NECTIN1: variants seen among roughly 807,000 people sequenced by gnomAD.
NECTIN1 encodes nectin cell adhesion molecule 1, also known as nectin-1.
A neutral mutation model predicts 48.0 loss-of-function variants in NECTIN1; 23 were observed. That is an observed-to-expected ratio of 0.48 (90% CI 0.34 to 0.68). NECTIN1 has a LOEUF of 0.68. Ranked by LOEUF, NECTIN1 falls within the 30% of genes least tolerant of loss-of-function variation. The pLI, the probability that NECTIN1 is intolerant of heterozygous loss-of-function variation, is 0.01. For missense variants in NECTIN1, 591 were observed against 709.9 expected (o/e 0.83, Z 1.90); for synonymous variants, 270 against 288.9 (o/e 0.93, Z 0.66).
chr11:119,674,791 GGAGAT>G, intron 5 of NECTIN1: 3 of 1,415,926 alleles, frequency 2.1e-6, no homozygotes, highest in African/African-American at 1.4e-5. Context: ...AGAGCTTGGA[GGAGAT>G]GAGCTCCACC....
chr11:119,721,230 C>A (rs1202752277), intron 1 of NECTIN1, among the ~76,000 whole-genome samples: 2 of 152,240 alleles, frequency 1.3e-5, no homozygotes, highest in Non-Finnish European at 2.9e-5. Flanking sequence ...CCCAGAACAG[C>A]CCTGGAGGGA....
At position 119,662,811 on chromosome 11, in the gene NECTIN1, C is replaced by T. The variant is rs1427420643; in HGVS notation, c.*1936G>A. The stretch of plus-strand genomic sequence containing the variant: ...GCTGGAAAGACTCCACAATTTTCTC[C>T]CCTAACTTCACCCTATCCAGTACCC... On this transcript the variant is annotated 3_prime_UTR_variant, in exon 6 of 6. Coordinates refer to ENST00000264025, the MANE Select transcript of NECTIN1 (RefSeq NM_002855.5). The surrounding 1 kb of genome is among the most constrained non-coding windows in gnomAD (Gnocchi z 5.3). 2 of 986,340 alleles carry T rather than the reference C, an allele frequency of 2.0e-6. No homozygotes were observed. The highest frequency in any genetic ancestry group is 2.4e-6 in the Non-Finnish European group (2 of 830,372). The allele number at this position is 986,340 out of a possible 1,614,324, so 61.1% of individuals were successfully genotyped here. A position where few individuals can be genotyped will look rare whatever the true frequency, so the allele number is the denominator to read the frequency against.
downstream of NECTIN1, among the ~76,000 whole-genome samples, chr11:119,658,098 G>A (rs1864605694): frequency 3.3e-5 from 5 of 152,200 alleles, no homozygotes; most frequent in South Asian, 4.2e-4. Context: ...GATGCCCTGC[G>A]GCTGGTTCTC....
chr11:119,720,068 G>A (rs1424451477), intron 1 of NECTIN1, among the ~76,000 whole-genome samples: 8 of 152,208 alleles, frequency 5.3e-5, no homozygotes, highest in Non-Finnish European at 8.8e-5. Context: ...GTGGTGCTGT[G>A]CCCCCTCAGA....
At chr11:119,696,912 G>A (rs981014231) in intron 1 of NECTIN1, among the ~76,000 whole-genome samples, 6 of 152,172 alleles carry the variant, frequency 3.9e-5, no homozygotes, top group African/African-American at 1.4e-4. Context: ...ATAGCCGCGC[G>A]ATGTCACCTG....
At chr11:119,674,885 A>G (rs574328322) in intron 5 of NECTIN1, among the ~76,000 whole-genome samples, 1 of 152,282 alleles carries the variant, frequency 6.6e-6, no homozygotes, top group South Asian at 2.1e-4. Flanking sequence ...ATTGGCCCCC[A>G]AAACAGCATT....
chr11:119,643,708 G>A (rs1412462329), intron 5 of NECTIN1, among the ~76,000 whole-genome samples: 1 of 152,228 alleles, frequency 6.6e-6, no homozygotes, highest in Non-Finnish European at 1.5e-5. Context: ...GACACTCTCT[G>A]GTTACACCGT....
chr11:119,695,312 C>A (rs1208845673), intron 1 of NECTIN1, among the ~76,000 whole-genome samples: 1 of 151,190 alleles, frequency 6.6e-6, no homozygotes. Context: ...CAGGTCCCCA[C>A]CCTCCCCACC....
downstream of NECTIN1, among the ~76,000 whole-genome samples, chr11:119,660,662 C>T (rs565272256): frequency 2.0e-5 from 3 of 152,228 alleles, no homozygotes; most frequent in East Asian, 1.9e-4. Flanking sequence ...GGGCACCAGC[C>T]GGCACAGGGC....
At chr11:119,690,112 G>A (rs574002117) in intron 1 of NECTIN1, among the ~76,000 whole-genome samples, 26 of 152,256 alleles carry the variant, frequency 1.7e-4, no homozygotes, top group African/African-American at 6.3e-4. Flanking sequence ...AGGTGCTCAG[G>A]GCCTCTTCTG....
intron 1 of NECTIN1, among the ~76,000 whole-genome samples, chr11:119,726,243 A>C (rs1192033305): frequency 6.6e-6 from 1 of 152,170 alleles, no homozygotes; most frequent in Non-Finnish European, 1.5e-5. Context: ...ATGGGGAGGA[A>C]GCCAGCAGGT....
At chr11:119,722,527 T>C (rs1260681376) in intron 1 of NECTIN1, among the ~76,000 whole-genome samples, 5 of 152,150 alleles carry the variant, frequency 3.3e-5, no homozygotes, top group Admixed American at 1.3e-4. Flanking sequence ...TGGGCAATGG[T>C]GCCCCAGCTG....
chr11:119,675,411 G>A, intron 4 of NECTIN1, 101 bp from the exon 5 acceptor site: 3 of 1,204,216 alleles, frequency 2.5e-6, no homozygotes, highest in Non-Finnish European at 2.5e-6. Flanking sequence ...GCCTTTTGCT[G>A]AGCTTGTGTG....
chr11:119,663,621 G>C lies in NECTIN1; in HGVS notation c.*1126C>G, dbSNP rs543126843. 6 of 985,502 alleles carry C rather than the reference G, an allele frequency of 6.1e-6. No homozygotes were observed. The highest frequency in any genetic ancestry group is 1.7e-5 in the African/African-American group (1 of 57,230). The allele number at this position is 985,502 out of a possible 1,614,324, so 61.0% of individuals were successfully genotyped here. On this transcript the variant is annotated 3_prime_UTR_variant, in exon 6 of 6. Coordinates refer to ENST00000264025, the MANE Select transcript of NECTIN1 (RefSeq NM_002855.5). ...TGGGCTTCCTTCCCCACTACCCTCC[G>C]TGTGGATGCTTCTTTACCTCTGACT...
intron 1 of NECTIN1, among the ~76,000 whole-genome samples, chr11:119,711,516 C>T (rs1344310461): frequency 6.6e-6 from 1 of 152,112 alleles, no homozygotes; most frequent in Admixed American, 6.6e-5. Flanking sequence ...GAGCTAGGGC[C>T]TGCAGAGATT....
At chr11:119,681,307 G>A (rs1050032795) in intron 1 of NECTIN1, among the ~76,000 whole-genome samples, 12 of 152,236 alleles carry the variant, frequency 7.9e-5, no homozygotes, top group Admixed American at 5.2e-4. Context: ...CAGTTGGGAG[G>A]GCTTGGGCCC....
At chr11:119,647,214 T>TGTGTGTGTGG in intron 5 of NECTIN1, among the ~76,000 whole-genome samples, 1 of 111,108 alleles carries the variant, frequency 9.0e-6, no homozygotes, top group East Asian at 3.4e-4. Flanking sequence ...TGTGTGTGTG[T>TGTGTGTGTGG]GTGTGTGTGA....
rs1864692069 is a variant in NECTIN1 at position 119,662,948 on chromosome 11, G to A, written c.*1799C>T. On this transcript the variant is annotated 3_prime_UTR_variant, in exon 6 of 6. Transcript: ENST00000264025. The surrounding 1 kb of genome is among the most constrained non-coding windows in gnomAD (Gnocchi z 5.3). ...AGGGCAGTGAGGGCCAGACAACGAC[G>A]ACCCACCTGCTGGGCCCAGGGTTGC... 5.1e-6 allele frequency: 5 copies of A among 981,646 alleles called. No individual in the cohort carries two copies. Among genetic ancestry groups the A allele is most frequent in the Non-Finnish European group, 6.0e-6 (5 of 828,512 alleles). 60.8% of individuals were successfully genotyped at this position (981,646 alleles called of 1,614,324 possible).
At chr11:119,699,377 G>A (rs1299295452) in intron 1 of NECTIN1, among the ~76,000 whole-genome samples, 1 of 151,828 alleles carries the variant, frequency 6.6e-6, no homozygotes, top group Non-Finnish European at 1.5e-5. Context: ...CACGGCCCCC[G>A]GCCAGCAGAC....
Sources: allele counts gnomAD v4.1 joint callset (sites outside exome capture counted in the v4.1 genomes callset), GRCh38; gene constraint gnomAD v4.1.1; non-coding constraint Gnocchi (gnomAD v3.1); transcripts MANE v1.5; gene names NCBI Gene and HGNC (gene_info 2026-07-23, HGNC 2026-07-21).